Variants in PAK1 observed in about 807,000 individuals in gnomAD.
PAK1 encodes serine/threonine-protein kinase PAK 1.
In PAK1, 29 loss-of-function variants were observed where a neutral mutation model predicts 67.4. The ratio of observed to expected loss-of-function variants is 0.43; its 90% CI spans 0.32 to 0.59. PAK1 has a LOEUF of 0.59. Ranked by LOEUF, PAK1 falls within the 20% of genes least tolerant of loss-of-function variation. The pLI, the probability that PAK1 is intolerant of heterozygous loss-of-function variation, is 0.07. For missense variants in PAK1, 337 were observed against 670.7 expected (o/e 0.50, Z 5.50); for synonymous variants, 223 against 237.4 (o/e 0.94, Z 0.56).
At chr11:77,392,268 C>A in intron 2 of PAK1, 63 bp downstream of exon 2, 1 of 1,137,422 alleles carries the variant, frequency 8.8e-7, no homozygotes, top group South Asian at 1.8e-5. Flanking sequence ...ATCTTTTATC[C>A]AGGTTACCCA....
chr11:77,466,589 C>T (rs924332861), intron 1 of PAK1, among the ~76,000 whole-genome samples: 2 of 149,346 alleles, frequency 1.3e-5, no homozygotes, highest in Admixed American at 1.3e-4. Context: ...GGCGACAGAG[C>T]AAGACTCCAT....
Position 77,322,989 on chromosome 11 carries a change from C to A in PAK1, c.*285G>T. The A allele has an allele frequency of 1.6e-6, 1 of 613,228 alleles. No individual in the cohort carries two copies. The highest frequency in any genetic ancestry group is 2.9e-6 in the Non-Finnish European group (1 of 345,230). 38.0% of individuals were successfully genotyped at this position (613,228 alleles called of 1,614,324 possible). On this transcript the variant is annotated 3_prime_UTR_variant, in exon 15 of 15. Transcript: ENST00000356341. ...GGTGAGGATTTTGACACACGGAAGA[C>A]TAGAAACATTTATTTATATAAACCC... is the stretch of plus-strand genomic sequence containing the variant.
intron 1 of PAK1, among the ~76,000 whole-genome samples, chr11:77,421,430 A>G (rs907847529): frequency 1.3e-5 from 2 of 152,184 alleles, no homozygotes; most frequent in Non-Finnish European, 2.9e-5. Context: ...ACTCTATATC[A>G]GCACCCTTTA....
chr11:77,479,084 C>CCAA (rs1555176672), upstream of PAK1, among the ~76,000 whole-genome samples: 2 of 88,734 alleles, frequency 2.3e-5, no homozygotes, highest in African/African-American at 8.1e-5. Context: ...GACTCCGTCT[C>CCAA]AAAAAAAAAA....
intron 1 of PAK1, among the ~76,000 whole-genome samples, chr11:77,444,177 G>C (rs528592140): frequency 6.6e-6 from 1 of 151,288 alleles, no homozygotes; most frequent in Non-Finnish European, 1.5e-5. Context: ...CTTGAAACTG[G>C]AAAGTTTTAG....
the PAK1 span, among the ~76,000 whole-genome samples, chr11:77,518,753 T>C: frequency 6.6e-6 from 1 of 152,204 alleles, no homozygotes; most frequent in Non-Finnish European, 1.5e-5. Flanking sequence ...TAGTCTGATT[T>C]GCAGTAACTT....
At chr11:77,370,282 C>T (rs1948248127) in intron 5 of PAK1, among the ~76,000 whole-genome samples, 1 of 151,332 alleles carries the variant, frequency 6.6e-6, no homozygotes, top group African/African-American at 2.4e-5. Flanking sequence ...TTCTTTATAT[C>T]TGCGGTAGAA....
At chr11:77,392,292 A>T (rs1951240540) in intron 2 of PAK1, 39 bp downstream of exon 2, 3 of 1,362,034 alleles carry the variant, frequency 2.2e-6, no homozygotes, top group Non-Finnish European at 3.0e-6. Flanking sequence ...TAATTTTTTT[A>T]AAGCATATAA....
chr11:77,366,450 A>G (rs2136781497), intron 5 of PAK1, among the ~76,000 whole-genome samples: 1 of 152,358 alleles, frequency 6.6e-6, no homozygotes, highest in Admixed American at 6.5e-5. Context: ...ATTCATACAC[A>G]TTCATGTATA....
intron 1 of PAK1, among the ~76,000 whole-genome samples, chr11:77,443,740 A>G (rs1041237502): frequency 6.6e-6 from 1 of 152,192 alleles, no homozygotes; most frequent in Non-Finnish European, 1.5e-5. Flanking sequence ...GAAGTATCCA[A>G]AACAGAAGGC....
chr11:77,389,235 T>G (rs920534817), intron 2 of PAK1, among the ~76,000 whole-genome samples: 1 of 152,236 alleles, frequency 6.6e-6, no homozygotes, highest in Non-Finnish European at 1.5e-5. Flanking sequence ...TTTTCAAGGG[T>G]CATCCATGTC....
chr11:77,413,263 T>G (rs1228703934), intron 1 of PAK1, among the ~76,000 whole-genome samples: 1 of 152,048 alleles, frequency 6.6e-6, no homozygotes, highest in African/African-American at 2.4e-5. Flanking sequence ...GGGGTAGGAG[T>G]GGAAATAAGT....
At chr11:77,529,965 G>A in the PAK1 span, 1 of 152,242 alleles carries the variant, frequency 6.6e-6, no homozygotes, top group South Asian at 2.1e-4. Context: ...GAGTGGCAGA[G>A]TCTGATTGAT....
At chr11:77,418,605 T>C (rs1378956783) in intron 1 of PAK1, among the ~76,000 whole-genome samples, 1 of 152,244 alleles carries the variant, frequency 6.6e-6, no homozygotes, top group African/African-American at 2.4e-5. Context: ...AGACTTAAAA[T>C]GCAGAACTTC....
intron 1 of PAK1, among the ~76,000 whole-genome samples, chr11:77,443,389 C>A (rs932042734): frequency 6.6e-6 from 1 of 151,568 alleles, no homozygotes; most frequent in African/African-American, 2.4e-5. Context: ...CCATTCCCAA[C>A]AGCCACCACA....
chr11:77,417,205 T>A (rs1349436623), intron 1 of PAK1, among the ~76,000 whole-genome samples: 1 of 152,232 alleles, frequency 6.6e-6, no homozygotes, highest in Non-Finnish European at 1.5e-5. Context: ...TGCAGTTTTA[T>A]TCAGAATTGC....
chr11:77,440,434 A>C (rs1956305691), intron 1 of PAK1, among the ~76,000 whole-genome samples: 1 of 152,180 alleles, frequency 6.6e-6, no homozygotes, highest in South Asian at 2.1e-4. Flanking sequence ...AAGGGCACTT[A>C]CTATAAGGGT....
At chr11:77,342,706 G>A (rs1001286701) in intron 10 of PAK1, among the ~76,000 whole-genome samples, 1 of 152,090 alleles carries the variant, frequency 6.6e-6, no homozygotes, top group Non-Finnish European at 1.5e-5. Flanking sequence ...TCTTCTTTAA[G>A]GAAACTGAAG....
intron 3 of PAK1, 131 bp downstream of exon 3, chr11:77,379,763 G>T: frequency 1.5e-6 from 1 of 673,846 alleles, no homozygotes; most frequent in Non-Finnish European, 2.6e-6. Flanking sequence ...TCCCACTCAT[G>T]AACGTGAGAA....
Sources: gnomAD v4.1 joint callset for allele counts (sites outside exome capture counted in the v4.1 genomes callset) on GRCh38, gnomAD v4.1.1 for gene constraint, MANE v1.5 for transcripts, NCBI Gene and HGNC (gene_info 2026-07-23, HGNC 2026-07-21) for gene names.